Variants in ARHGAP20 observed in about 807,000 individuals in gnomAD.
The protein encoded by ARHGAP20 is rho GTPase-activating protein 20.
Under a neutral mutation model 73.7 loss-of-function variants are expected in ARHGAP20, and 34 were observed. That is an observed-to-expected ratio of 0.46 (90% CI 0.35 to 0.61). ARHGAP20 has a LOEUF of 0.61. Among genes scored for constraint, ARHGAP20 ranks in the 20% least tolerant of loss-of-function variants. ARHGAP20 has a pLI of 0.00. For missense variants in ARHGAP20, 1,314 were observed against 1,420.9 expected, an observed-to-expected ratio of 0.92 and a Z score of 1.21; for synonymous variants, 523 against 518.2, an observed-to-expected ratio of 1.01 and a Z score of -0.13.
chr11:110,711,703 T>C, intron 1 of ARHGAP20: 6 of 1,437,094 alleles, frequency 4.2e-6, no homozygotes, highest in African/African-American at 1.5e-5. Flanking sequence ...TCGCCGGCCC[T>C]GACTTTGGGG....
intron 7 of ARHGAP20, among the ~76,000 whole-genome samples, chr11:110,610,273 G>T (rs1232831113): frequency 6.6e-6 from 1 of 150,846 alleles, no homozygotes; most frequent in East Asian, 1.9e-4. Flanking sequence ...AGTTCTAAAG[G>T]GCTTACTATA....
intron 3 of ARHGAP20, among the ~76,000 whole-genome samples, chr11:110,628,788 T>C (rs928294133): frequency 6.6e-5 from 10 of 152,126 alleles, no homozygotes; most frequent in Admixed American, 6.5e-4. Context: ...TATAACCTTA[T>C]GTGAGAAAGG....
chr11:110,704,635 C>A (rs1950520008), intron 1 of ARHGAP20, among the ~76,000 whole-genome samples: 1 of 152,144 alleles, frequency 6.6e-6, no homozygotes, highest in Non-Finnish European at 1.5e-5. Context: ...TCTCTGCTAC[C>A]TTTCCAGCCT....
chr11:110,657,674 C>G (rs1949496046), intron 2 of ARHGAP20, among the ~76,000 whole-genome samples: 1 of 151,940 alleles, frequency 6.6e-6, no homozygotes, highest in South Asian at 2.1e-4. Context: ...GTGGGCAGAT[C>G]ACCTTAGGCC....
At chr11:110,609,692 C>A (rs12289993) in intron 7 of ARHGAP20, among the ~76,000 whole-genome samples, 2,836 of 152,256 alleles carry the variant, frequency 0.019, 91 homozygotes, top group African/African-American at 0.065. Flanking sequence ...TTTGCTGAAT[C>A]CTCTAGGAGG....
chr11:110,683,816 C>T (rs1011735891), intron 2 of ARHGAP20, among the ~76,000 whole-genome samples: 1 of 152,144 alleles, frequency 6.6e-6, no homozygotes, highest in African/African-American at 2.4e-5. Flanking sequence ...AGATTTTTAA[C>T]TATACAATTC....
intron 2 of ARHGAP20, among the ~76,000 whole-genome samples, chr11:110,675,904 A>AT (rs1158732908): frequency 2.0e-5 from 3 of 151,986 alleles, no homozygotes; most frequent in Non-Finnish European, 4.4e-5. Context: ...CTTCTGACAA[A>AT]TTTTTTTTCC....
chr11:110,577,350 A>G lies in ARHGAP20; in HGVS notation c.*2020T>C. The G allele has an allele frequency of 8.1e-7, 1 of 1,234,776 alleles. No homozygotes were observed. The highest frequency in any genetic ancestry group is 3.2e-5 in the East Asian group (1 of 30,926). 76.5% of individuals were successfully genotyped at this position (1,234,776 alleles called of 1,614,324 possible). A position where few individuals can be genotyped will look rare whatever the true frequency, so the allele number is the denominator to read the frequency against. ...TTACAGCAATATTAACAAACTATTC[A>G]CATTAAGAATTACAGGAGTATCTAA... On this transcript the variant is annotated 3_prime_UTR_variant, in exon 15 of 15. Transcript: ENST00000683387.
chr11:110,578,598 A>T lies in ARHGAP20; in HGVS notation c.*772T>A. 1 of 985,444 alleles carries T rather than the reference A, an allele frequency of 1.0e-6. No individual in the cohort carries two copies. Among genetic ancestry groups the T allele is most frequent in the Middle Eastern group, 5.2e-4 (1 of 1,914 alleles). The allele number at this position is 985,444 out of a possible 1,614,324, so 61.0% of individuals were successfully genotyped here. A position where few individuals can be genotyped will look rare whatever the true frequency, so the allele number is the denominator to read the frequency against. Reference sequence around the variant, plus strand: ...TTCTGAAGAATGTTCCTAGGCAGAGATACCTTTGAAAGGGTACTGAAATGG... The same window carrying T: ...TTCTGAAGAATGTTCCTAGGCAGAGTTACCTTTGAAAGGGTACTGAAATGG... On this transcript the variant is annotated 3_prime_UTR_variant, in exon 15 of 15. Transcript: ENST00000683387.
chr11:110,648,689 AC>A lies in ARHGAP20; in HGVS notation c.189-17898del, dbSNP rs1430929140. Among the ~76,000 whole-genome samples the A allele has an allele frequency of 4.0e-5, 6 of 151,678 alleles. No homozygotes were observed. The East Asian group carries it at 1.2e-3, about 29-fold the overall frequency. ...GTAGAGACGAGGTTTCACCATATTGACCAGGTTGGTCTTGAACTCCTGACCT... is the reference window on the plus strand; with the variant it reads ...GTAGAGACGAGGTTTCACCATATTGACAGGTTGGTCTTGAACTCCTGACCT... On this transcript the variant is annotated intron_variant, in intron 2 of 14. Coordinates refer to ENST00000683387, the MANE Select transcript of ARHGAP20 (RefSeq NM_001384657.1).
intron 2 of ARHGAP20, 53 bp from the exon 3 acceptor site, chr11:110,630,845 C>T: frequency 6.5e-7 from 1 of 1,549,766 alleles, no homozygotes; most frequent in Non-Finnish European, 8.7e-7. Context: ...TATAGTTGGT[C>T]AAGAACTACA....
At chr11:110,591,877 G>A (rs2134829326) in intron 10 of ARHGAP20, 100 bp downstream of exon 10, 3 of 1,208,430 alleles carry the variant, frequency 2.5e-6, no homozygotes, top group East Asian at 2.4e-5. Flanking sequence ...CAAAGACAGT[G>A]GTGTCTATAA....
At chr11:110,702,514 T>C (rs1296877160) in intron 1 of ARHGAP20, among the ~76,000 whole-genome samples, 1 of 152,100 alleles carries the variant, frequency 6.6e-6, no homozygotes, top group Non-Finnish European at 1.5e-5. Flanking sequence ...CTATTCAACA[T>C]AGTGTTGGAA....
intron 6 of ARHGAP20, among the ~76,000 whole-genome samples, chr11:110,613,516 G>A (rs1253822892): frequency 6.6e-6 from 1 of 151,948 alleles, no homozygotes; most frequent in African/African-American, 2.4e-5. Flanking sequence ...AATGACAGTG[G>A]GACATCAGTC....
At position 110,630,641 on chromosome 11, in the gene ARHGAP20, C is replaced by A. The variant is rs568267002; in HGVS notation, c.340G>T (p.Val114Leu). The A allele has an allele frequency of 1.2e-6, 2 of 1,613,904 alleles. No homozygotes were observed. The highest frequency in any genetic ancestry group is 3.3e-5 in the Admixed American group (2 of 59,984). The change falls in exon 3 of 15, where the codon GTG (valine) becomes TTG (leucine). Residue 114 changes from valine to leucine, a missense_variant. By Grantham distance (32) the Val-to-Leu change is conservative. Transcript: ENST00000683387. ...HLFLFNDLFV[V>L]AKIKYNNNFK... The stretch of plus-strand genomic sequence containing the variant: ...TAGTATACATACTTGATTTTGGCCA[C>A]AACAAACAGATCATTGAATAGGAAA...
chr11:110,668,464 C>G (rs1019178243), intron 2 of ARHGAP20, among the ~76,000 whole-genome samples: 1 of 151,972 alleles, frequency 6.6e-6, no homozygotes, highest in Admixed American at 6.6e-5. Flanking sequence ...GGCTGGGCAA[C>G]ATGGCAAAAC....
At chr11:110,588,162 C>A (rs963457) in intron 11 of ARHGAP20, among the ~76,000 whole-genome samples, 151,695 of 152,322 alleles carry the variant, frequency 1, 75,536 homozygotes, top group Middle Eastern at 1. Flanking sequence ...TACGAAATAC[C>A]ACCATCATCA....
chr11:110,591,906 G>A, intron 10 of ARHGAP20, 71 bp downstream of exon 10: 1 of 1,509,102 alleles, frequency 6.6e-7, no homozygotes, highest in Non-Finnish European at 9.1e-7. Context: ...TTTGGGGACA[G>A]ATTTACCTCG....
intron 2 of ARHGAP20, among the ~76,000 whole-genome samples, chr11:110,645,363 A>T (rs1242302149): frequency 6.6e-6 from 1 of 152,148 alleles, no homozygotes; most frequent in African/African-American, 2.4e-5. Flanking sequence ...CATATTTTTT[A>T]AAATGCTCAT....
Sources: gnomAD v4.1 joint callset for allele counts (sites outside exome capture counted in the v4.1 genomes callset) on GRCh38, gnomAD v4.1.1 for gene constraint, MANE v1.5 for transcripts, NCBI Gene and HGNC (gene_info 2026-07-23, HGNC 2026-07-21) for gene names.